ITGA8: variants seen among roughly 807,000 people sequenced by gnomAD.
The protein encoded by ITGA8 is integrin alpha-8.
A neutral mutation model predicts 142.3 loss-of-function variants in ITGA8; 91 were observed. The observed-to-expected ratio is 0.64, with a 90% CI of 0.54 to 0.76. The LOEUF (loss-of-function observed/expected upper bound fraction) is 0.76, where lower values mean the gene tolerates loss of function less well. Among genes scored for constraint, ITGA8 ranks in the 30% least tolerant of loss-of-function variants. The probability of loss-of-function intolerance (pLI) is 0.00; values close to 1 mark genes in which losing one functional copy is unlikely to be tolerated. For synonymous variants in ITGA8, 505 were observed against 485.2 expected (o/e 1.04, Z -0.54); for missense variants, 1,406 against 1,327.7 (o/e 1.06, Z -0.92).
In ITGA8 at chr10:15,572,294, A is replaced by G. The variant is rs758801400; in HGVS notation, c.2554T>C (p.Phe852Leu). 1 of 1,613,928 alleles carries G rather than the reference A, an allele frequency of 6.2e-7. No individual in the cohort carries two copies. Among genetic ancestry groups the G allele is most frequent in the South Asian group, 1.1e-5 (1 of 91,076 alleles). Residue 852 changes from phenylalanine (F) to leucine (L), a missense_variant, in exon 25 of 30, where the codon TTT becomes CTT. Physicochemically the swap from Phe to Leu is conservative, Grantham distance 22. Transcript: ENST00000378076. ...VGWPFSARDEFLLYIFHIQTL... is the reference protein window; with the variant it reads ...VGWPFSARDELLLYIFHIQTL... The stretch of plus-strand genomic sequence containing the variant: ...TGAATATGGAAAATATAGAGAAGAA[A>G]TTCATCCCGGGCAGAGAAAGGCCAG...
rs1443751050 is a variant in ITGA8, at chr10:15,684,074, G to A, written c.498C>T (p.Asp166=). The change falls in exon 4 of 30, where the codon GAC becomes GAT. Residue 166 remains aspartate, a synonymous_variant. Coordinates refer to ENST00000378076, the MANE Select transcript of ITGA8 (RefSeq NM_003638.3). The part of the protein sequence containing the change: ...WRTLKPTPEK[D]PVGTCYVAIQ... ...TTGCTACATAGCAGGTGCCAACTGG[G>A]TCCTTTTCTGGTGTCGGTTTAAGAG... The A allele has an allele frequency of 5.0e-6, 8 of 1,614,108 alleles. No homozygotes were observed. The highest frequency in any genetic ancestry group is 6.8e-6 in the Non-Finnish European group (8 of 1,179,958).
intron 22 of ITGA8, among the ~76,000 whole-genome samples, chr10:15,587,165 C>T (rs1832846876): frequency 6.6e-6 from 1 of 152,168 alleles, no homozygotes; most frequent in South Asian, 2.1e-4. Context: ...TCATGATCTG[C>T]CCACCTCAGC....
chr10:15,579,948 A>G (rs996865654), intron 23 of ITGA8, among the ~76,000 whole-genome samples: 9 of 151,842 alleles, frequency 5.9e-5, no homozygotes, highest in African/African-American at 1.7e-4. Context: ...GCACAGAAGA[A>G]GTAGAAATGG....
intron 2 of ITGA8, among the ~76,000 whole-genome samples, chr10:15,699,470 A>G (rs1379360052): frequency 2.0e-5 from 3 of 152,342 alleles, no homozygotes; most frequent in South Asian, 2.1e-4. Flanking sequence ...CAGATGATAG[A>G]TAGATACATA....
At chr10:15,609,120 G>T (rs1228249646) in intron 15 of ITGA8, among the ~76,000 whole-genome samples, 1 of 152,068 alleles carries the variant, frequency 6.6e-6, no homozygotes, top group Admixed American at 6.5e-5. Context: ...CTTATAGGAT[G>T]ATCTGCACTT....
At chr10:15,606,480 G>A in intron 17 of ITGA8, 58 bp from the exon 18 acceptor site, 1 of 1,499,752 alleles carries the variant, frequency 6.7e-7, no homozygotes, top group Non-Finnish European at 9.1e-7. Context: ...CAAGATGTCA[G>A]TCTGCAAAAG....
chr10:15,644,980 C>T (rs1014947183), intron 12 of ITGA8, among the ~76,000 whole-genome samples: 1 of 149,756 alleles, frequency 6.7e-6, no homozygotes, highest in African/African-American at 2.5e-5. Flanking sequence ...GTAATCCCAG[C>T]TACTCGGGAG....
intron 18 of ITGA8, 32 bp downstream of exon 18, chr10:15,606,253 G>A: frequency 6.4e-7 from 1 of 1,569,678 alleles, no homozygotes; most frequent in Non-Finnish European, 8.7e-7. Context: ...GCTTGCTTGA[G>A]AAAATGCCGT....
At chr10:15,608,533 T>G (rs1833239824) in intron 15 of ITGA8, among the ~76,000 whole-genome samples, 1 of 152,198 alleles carries the variant, frequency 6.6e-6, no homozygotes. Flanking sequence ...GGAGGTTAAC[T>G]GATTTAATCA....
chr10:15,585,831 T>A (rs1333873822), intron 23 of ITGA8, among the ~76,000 whole-genome samples: 1 of 152,126 alleles, frequency 6.6e-6, no homozygotes, highest in Non-Finnish European at 1.5e-5. Context: ...AGAAAAAAGA[T>A]GTAAAATATA....
rs564397400 is a variant in ITGA8 at position 15,608,924 on chromosome 10, A to C, written c.1554-634T>G. On this transcript the variant is annotated intron_variant, in intron 15 of 29. Transcript: ENST00000378076. ...CTTGCTACAGTTGGGGTAAGACTGG[A>C]GGTTGAGACGAGAAGAGGGAGGGGA... 5.3e-5 allele frequency among the ~76,000 whole-genome samples: 8 copies of C among 152,164 alleles called. 1 individual carries two copies. Among genetic ancestry groups the C allele is most frequent in the Admixed American group, 5.2e-4 (8 of 15,278 alleles).
intron 14 of ITGA8, among the ~76,000 whole-genome samples, chr10:15,614,436 T>C (rs1833357737): frequency 6.6e-6 from 1 of 152,114 alleles, no homozygotes; most frequent in Non-Finnish European, 1.5e-5. Flanking sequence ...CCAGAACTTA[T>C]GGGGTAAGGA....
Position 15,572,375 on chromosome 10 carries a change from A to G in ITGA8, c.2479-6T>C. The G allele has an allele frequency of 6.2e-7, 1 of 1,613,482 alleles. No individual in the cohort carries two copies. The highest frequency in any genetic ancestry group is 8.5e-7 in the Non-Finnish European group (1 of 1,179,670). ...CTTGGTCCAATATTGTGCAGCTGTA[A>G]ACAAGTGACATGTTATCTAATGACC... On this transcript the variant is annotated splice_polypyrimidine_tract_variant and splice_region_variant and intron_variant, in intron 24 of 29. Transcript: ENST00000378076.
At chr10:15,707,190 G>C (rs1032072784) in intron 2 of ITGA8, among the ~76,000 whole-genome samples, 2 of 152,220 alleles carry the variant, frequency 1.3e-5, no homozygotes, top group African/African-American at 2.4e-5. Context: ...AGAGGGACTG[G>C]ACTGAGATTG....
chr10:15,673,804 T>C (rs1477329479), intron 6 of ITGA8, among the ~76,000 whole-genome samples: 1 of 149,148 alleles, frequency 6.7e-6, no homozygotes, highest in Admixed American at 6.6e-5. Context: ...AACATTGACG[T>C]GATAAGAACT....
At chr10:15,546,173 A>G (rs1285920559) in intron 27 of ITGA8, among the ~76,000 whole-genome samples, 2 of 151,696 alleles carry the variant, frequency 1.3e-5, no homozygotes, top group Non-Finnish European at 2.9e-5. Context: ...ACTCCCTACT[A>G]TTTATCCCAC....
intron 11 of ITGA8, among the ~76,000 whole-genome samples, chr10:15,650,326 A>G (rs1834062696): frequency 6.6e-6 from 1 of 152,198 alleles, no homozygotes; most frequent in South Asian, 2.1e-4. Context: ...GTGTCCCTCA[A>G]ATTTCATGTA....
chr10:15,573,834 G>A (rs1244214249), intron 24 of ITGA8, among the ~76,000 whole-genome samples: 3 of 151,368 alleles, frequency 2.0e-5, no homozygotes, highest in South Asian at 2.1e-4. Flanking sequence ...CCTTGAAAAC[G>A]AATAGGAATA....
At chr10:15,665,740 G>A (rs1023812754) in intron 8 of ITGA8, among the ~76,000 whole-genome samples, 18 of 152,306 alleles carry the variant, frequency 1.2e-4, no homozygotes, top group Admixed American at 9.8e-4. Flanking sequence ...CATATGGCTA[G>A]CCAGTTTTCC....
Sources: allele counts gnomAD v4.1 joint callset (sites outside exome capture counted in the v4.1 genomes callset), GRCh38; gene constraint gnomAD v4.1.1; transcripts MANE v1.5; gene names NCBI Gene and HGNC (gene_info 2026-07-23, HGNC 2026-07-21).